ABITRAM: variants seen among roughly 807,000 people sequenced by gnomAD.
The protein encoded by ABITRAM is actin binding transcription modulator.
In ABITRAM, 19 loss-of-function variants were observed where a neutral mutation model predicts 22.9. That is an observed-to-expected ratio of 0.83 (90% CI 0.58 to 1.22). The LOEUF (loss-of-function observed/expected upper bound fraction) is 1.22. Among genes scored for constraint, ABITRAM ranks in the 50% most tolerant of loss-of-function variants. ABITRAM has a pLI of 0.00. For missense variants in ABITRAM, 215 were observed against 220.2 expected (o/e 0.98, Z 0.15); for synonymous variants, 70 against 73.9 (o/e 0.95, Z 0.27).
chr9:108,948,259 A>G, intron 3 of ABITRAM: 1 of 1,602,452 alleles, frequency 6.2e-7, no homozygotes. Flanking sequence ...ATTGTTAAGA[A>G]GGTAACAAAA....
intron 3 of ABITRAM, chr9:108,948,135 C>G (rs748553558): frequency 6.3e-7 from 1 of 1,586,100 alleles, no homozygotes; most frequent in Admixed American, 1.7e-5. Flanking sequence ...ATTTATTACC[C>G]ACTTTTAGCC....
In ABITRAM at chr9:108,934,400, G is replaced by A. The variant is rs1184599659; in HGVS notation, c.-87G>A. 12 of 1,153,090 alleles carry A rather than the reference G, an allele frequency of 1.0e-5. No individual in the cohort carries two copies. The Admixed American group carries it at 2.4e-4, about 23-fold the overall frequency. 71.4% of individuals were successfully genotyped at this position (1,153,090 alleles called of 1,614,324 possible). ...AGCGCGCGTGCGCACGACACGCGCT[G>A]TGCGCCGGAAGAGCACGCCCAGTCC... On this transcript the variant is annotated 5_prime_UTR_variant, in exon 1 of 6. In the 5' UTR this introduces an upstream ATG that the reference lacks. Transcript: ENST00000322940.
intron 3 of ABITRAM, 75 bp from the exon 4 acceptor site, chr9:108,939,121 T>C (rs980059110): frequency 1.9e-5 from 23 of 1,218,776 alleles, no homozygotes; most frequent in Non-Finnish European, 2.5e-5. Flanking sequence ...CATCCTGTTA[T>C]ACACCTAAGG....
At position 108,939,683 on chromosome 9, in the gene ABITRAM, A is replaced by C; in HGVS notation, c.543A>C (p.Ser181=). 1 of 1,613,774 alleles carries C rather than the reference A, an allele frequency of 6.2e-7. No individual in the cohort carries two copies. The highest frequency in any genetic ancestry group is 8.5e-7 in the Non-Finnish European group (1 of 1,179,834). ...GCATTAATGCCACAACAGCTACGTCATGAGGATTGACATGGAACAAAAAGC... is the reference window on the plus strand; with the variant it reads ...GCATTAATGCCACAACAGCTACGTCCTGAGGATTGACATGGAACAAAAAGC... The part of the protein sequence containing the change: ...VKRINATTAT[S] The change falls in exon 6 of 6, where the codon TCA becomes TCC. Residue 181 remains serine (S), a synonymous_variant. Coordinates refer to ENST00000322940, the MANE Select transcript of ABITRAM (RefSeq NM_017832.4).
Position 108,939,411 on chromosome 9 carries a change from T to G in ABITRAM, c.365T>G (p.Val122Gly). The G allele has an allele frequency of 6.2e-7, 1 of 1,611,070 alleles. No homozygotes were observed. The highest frequency in any genetic ancestry group is 8.5e-7 in the Non-Finnish European group (1 of 1,179,248). Residue 122 changes from valine (V) to glycine (G), a missense_variant, in exon 5 of 6, where the codon GTG becomes GGG. Val to Gly is a moderately radical substitution (Grantham distance 109, BLOSUM62 -3). Coordinates refer to ENST00000322940, the MANE Select transcript of ABITRAM (RefSeq NM_017832.4). ...SSCVRGRLME[V>G]NENILHKPSI... ...TGTGTTAGAGGACGTTTGATGGAAGTGAATGAAAACATCCTCCATAAGCCA... is the reference window on the plus strand; with the variant it reads ...TGTGTTAGAGGACGTTTGATGGAAGGGAATGAAAACATCCTCCATAAGCCA...
In ABITRAM at chr9:108,939,881, C is replaced by G. The variant is rs1587935538; in HGVS notation, c.*195C>G. ...TGGTTCCCATTTGTCTACAGCCTGCCAGATCTGGCCTGCCCATGTACTCAC... is the reference window on the plus strand; with the variant it reads ...TGGTTCCCATTTGTCTACAGCCTGCGAGATCTGGCCTGCCCATGTACTCAC... On this transcript the variant is annotated 3_prime_UTR_variant, in exon 6 of 6. Coordinates refer to ENST00000322940, the MANE Select transcript of ABITRAM (RefSeq NM_017832.4). 23 of 581,584 alleles carry G rather than the reference C, an allele frequency of 4.0e-5. No homozygotes were observed. The East Asian group carries it at 6.7e-4, about 17-fold the overall frequency. The allele number at this position is 581,584 out of a possible 1,614,324, so 36.0% of individuals were successfully genotyped here.
downstream of ABITRAM, among the ~76,000 whole-genome samples, chr9:108,945,101 T>C (rs949636776): frequency 3.3e-5 from 5 of 152,204 alleles, no homozygotes; most frequent in Admixed American, 1.3e-4. Context: ...ATGATGGTTT[T>C]AAAACTACCT....
At chr9:108,942,671 TA>T (rs1428577020), downstream of ABITRAM, 18 of 873,502 alleles carry the variant, frequency 2.1e-5, no homozygotes, top group Non-Finnish European at 3.1e-5. Context: ...GTTTTCTTTA[TA>T]AAATTGATGA....
downstream of ABITRAM, chr9:108,943,068 AT>A: frequency 6.3e-7 from 1 of 1,582,594 alleles, no homozygotes; most frequent in South Asian, 1.2e-5. Context: ...AAGCATGCAA[AT>A]GATATTCTAA....
intron 3 of ABITRAM, among the ~76,000 whole-genome samples, chr9:108,938,235 G>T (rs1039846590): frequency 2.6e-5 from 4 of 152,174 alleles, no homozygotes; most frequent in Admixed American, 1.3e-4. Flanking sequence ...AAGTCACAAT[G>T]ACTCTAGTAT....
Position 108,936,445 on chromosome 9 carries a change from C to T in ABITRAM, c.261+8C>T. ...TCTGGGAAATTTAAGCGGGTATGTT[C>T]CTGTAATTCTGTGATTATCTACTTA... On this transcript the variant is annotated splice_region_variant and intron_variant, in intron 3 of 5. Transcript: ENST00000322940. 1 of 1,611,872 alleles carries T rather than the reference C, an allele frequency of 6.2e-7. No homozygotes were observed. The highest frequency in any genetic ancestry group is 8.5e-7 in the Non-Finnish European group (1 of 1,179,006).
chr9:108,944,085 T>C, downstream of ABITRAM: 1 of 1,382,404 alleles, frequency 7.2e-7, no homozygotes, highest in South Asian at 1.3e-5. Context: ...GAAATATACT[T>C]ACTAATAATT....
downstream of ABITRAM, among the ~76,000 whole-genome samples, chr9:108,945,463 C>CT (rs578073650): frequency 0.014 from 1,830 of 135,424 alleles, 28 homozygotes; most frequent in African/African-American, 0.036. Flanking sequence ...GGTTTTCTTC[C>CT]TTTTTTTTTT....
downstream of ABITRAM, chr9:108,943,010 AT>A (rs1830288562): frequency 6.2e-7 from 1 of 1,612,838 alleles, no homozygotes. Context: ...TAAGAGAGCC[AT>A]CATGGATCTT....
chr9:108,941,270 A>G (rs1378548723), downstream of ABITRAM, among the ~76,000 whole-genome samples: 1 of 152,154 alleles, frequency 6.6e-6, no homozygotes, highest in Non-Finnish European at 1.5e-5. Flanking sequence ...GTAAGTGGAT[A>G]AACACCTCCA....
chr9:108,942,069 T>C (rs1021956726), downstream of ABITRAM, among the ~76,000 whole-genome samples: 1 of 152,194 alleles, frequency 6.6e-6, no homozygotes, highest in Non-Finnish European at 1.5e-5. Flanking sequence ...AAGATAGGCT[T>C]AGAATCCCAG....
At chr9:108,943,757 G>A (rs763814785), downstream of ABITRAM, 1 of 1,613,706 alleles carries the variant, frequency 6.2e-7, no homozygotes, top group African/African-American at 1.3e-5. Context: ...GGAGCTGGTG[G>A]CATAGAGGAA....
At chr9:108,941,570 G>A (rs1830256302), downstream of ABITRAM, among the ~76,000 whole-genome samples, 1 of 152,118 alleles carries the variant, frequency 6.6e-6, no homozygotes, top group African/African-American at 2.4e-5. Context: ...TTCTCCCGAA[G>A]GACTACAGTG....
At chr9:108,949,030 A>T (rs838828) in intron 3 of ABITRAM, among the ~76,000 whole-genome samples, 2 of 152,162 alleles carry the variant, frequency 1.3e-5, no homozygotes, top group Admixed American at 6.5e-5. Flanking sequence ...AAAAACTATA[A>T]GGCACTAGAA....
Sources: gnomAD v4.1 joint callset for allele counts (sites outside exome capture counted in the v4.1 genomes callset) on GRCh38, gnomAD v4.1.1 for gene constraint, MANE v1.5 for transcripts, NCBI Gene and HGNC (gene_info 2026-07-23, HGNC 2026-07-21) for gene names.